CCDC88A: variants seen among roughly 807,000 people sequenced by gnomAD.
CCDC88A encodes girdin.
Under a neutral mutation model 234.3 loss-of-function variants are expected in CCDC88A, and 54 were observed. That is an observed-to-expected ratio of 0.23 (90% CI 0.19 to 0.29). CCDC88A has a LOEUF of 0.29. Among genes scored for constraint, CCDC88A ranks in the 10% least tolerant of loss-of-function variants. CCDC88A has a pLI of 1.00. For synonymous variants in CCDC88A, 753 were observed against 737.8 expected, an observed-to-expected ratio of 1.02 and a Z score of -0.33; for missense variants, 1,832 against 2,123.4, an observed-to-expected ratio of 0.86 and a Z score of 2.70.
Position 55,317,118 on chromosome 2 carries a change from C to T in CCDC88A, c.3746+88G>A, listed in dbSNP as rs1683083755. On this transcript the variant is annotated intron_variant, in intron 21 of 32. Transcript: ENST00000436346. The surrounding 1 kb of genome is among the most constrained non-coding windows in gnomAD (Gnocchi z 4.2). Reference sequence around the variant, plus strand: ...TATAGTTTGGATGTAAGAAATAATACATAATTTTGAAAAAACATATATATA... The same window carrying T: ...TATAGTTTGGATGTAAGAAATAATATATAATTTTGAAAAAACATATATATA... The T allele has an allele frequency of 4.3e-6, 2 of 469,856 alleles. No homozygotes were observed. The highest frequency in any genetic ancestry group is 6.6e-6 in the Non-Finnish European group (2 of 303,654). The allele number at this position is 469,856 out of a possible 1,614,324, so 29.1% of individuals were successfully genotyped here. A position where few individuals can be genotyped will look rare whatever the true frequency, so the allele number is the denominator to read the frequency against.
intron 28 of CCDC88A, chr2:55,300,913 A>G (rs956982772): frequency 1.1e-5 from 3 of 262,028 alleles, no homozygotes; most frequent in Non-Finnish European, 2.1e-5. Flanking sequence ...GTAAAATGCA[A>G]CTCTTATAAC....
chr2:55,367,212 G>A (rs923488202), intron 5 of CCDC88A, among the ~76,000 whole-genome samples: 1 of 152,116 alleles, frequency 6.6e-6, no homozygotes, highest in East Asian at 1.9e-4. Context: ...AATTCATAGA[G>A]ACATAAAGTA....
intron 22 of CCDC88A, chr2:55,312,804 G>T (rs1682488679): frequency 1.3e-5 from 4 of 315,186 alleles, no homozygotes; most frequent in Non-Finnish European, 1.1e-5. Context: ...ACAAACACTG[G>T]GTCTAATATA....
At chr2:55,409,738 CT>C (rs61703330) in intron 2 of CCDC88A, among the ~76,000 whole-genome samples, 29 of 111,734 alleles carry the variant, frequency 2.6e-4, no homozygotes, top group Middle Eastern at 5.3e-3. Context: ...ATATACCTCC[CT>C]TTTTTTTTTT....
rs1270648898 is a variant in CCDC88A, at chr2:55,418,908, C to G, written c.72G>C (p.Thr24=). ...MTSPLVTWVK[T]FGPLAAGNGT... ...CATTTCCTGCGGCCAGAGGTCCAAA[C>G]GTTTTAACCTAGAACAAACAGAAGG... is the stretch of plus-strand genomic sequence containing the variant. The change falls in exon 2 of 33, where the codon ACG becomes ACC. Residue 24 remains threonine, a synonymous_variant. Transcript: ENST00000436346. The G allele has an allele frequency of 6.2e-7, 1 of 1,613,788 alleles. No individual in the cohort carries two copies. The highest frequency in any genetic ancestry group is 8.5e-7 in the Non-Finnish European group (1 of 1,179,814).
intron 3 of CCDC88A, among the ~76,000 whole-genome samples, chr2:55,380,221 G>C (rs900830215): frequency 6.6e-6 from 1 of 152,074 alleles, no homozygotes; most frequent in Non-Finnish European, 1.5e-5. Context: ...GGGCGACAGA[G>C]CGAGACTCCA....
At chr2:55,383,865 A>C (rs1170199767) in intron 3 of CCDC88A, among the ~76,000 whole-genome samples, 4 of 152,154 alleles carry the variant, frequency 2.6e-5, no homozygotes, top group Admixed American at 6.6e-5. Flanking sequence ...AATAAGAACA[A>C]AAAAATTATT....
At chr2:55,418,650 T>C (rs1267516698) in intron 2 of CCDC88A, 166 bp downstream of exon 2, 8 of 610,644 alleles carry the variant, frequency 1.3e-5, no homozygotes, top group Admixed American at 8.8e-5. Context: ...GTTGTGATAA[T>C]GGGCTGAGCC....
chr2:55,382,943 T>C (rs1269236895), intron 3 of CCDC88A, among the ~76,000 whole-genome samples: 4 of 152,156 alleles, frequency 2.6e-5, no homozygotes, highest in Non-Finnish European at 5.9e-5. Flanking sequence ...AATAGGGACA[T>C]GGTATGTCCT....
intron 3 of CCDC88A, among the ~76,000 whole-genome samples, chr2:55,386,617 G>A (rs2104882516): frequency 6.6e-6 from 1 of 151,724 alleles, no homozygotes; most frequent in Admixed American, 6.6e-5. Context: ...GATTACAGGT[G>A]CCCACCACCA....
chr2:55,326,378 C>CT (rs1204403212), intron 17 of CCDC88A, among the ~76,000 whole-genome samples: 1 of 152,112 alleles, frequency 6.6e-6, no homozygotes, highest in African/African-American at 2.4e-5. Context: ...ACCTATACCT[C>CT]TTTGTCATAC....
At chr2:55,368,199 T>A (rs1302616833) in intron 5 of CCDC88A, among the ~76,000 whole-genome samples, 1 of 152,174 alleles carries the variant, frequency 6.6e-6, no homozygotes, top group African/African-American at 2.4e-5. Context: ...TTGACTGAGT[T>A]GGACAGCCAA....
intron 2 of CCDC88A, among the ~76,000 whole-genome samples, chr2:55,409,625 T>G (rs1256328309): frequency 6.6e-6 from 1 of 152,078 alleles, no homozygotes; most frequent in Non-Finnish European, 1.5e-5. Context: ...AGTATTACAT[T>G]TAGATCCTGA....
Position 55,290,240 on chromosome 2 carries a change from T to C in CCDC88A, c.*960A>G, listed in dbSNP as rs1179178936. The C allele has an allele frequency of 6.6e-6, 1 of 152,510 alleles. No homozygotes were observed. The highest frequency in any genetic ancestry group is 6.6e-5 in the Admixed American group (1 of 15,262). 9.4% of individuals were successfully genotyped at this position (152,510 alleles called of 1,614,324 possible). ...AAAAAATCATTAATAAATGATAGCC[T>C]TAATTATAAATGAGTTTCTGGCAAA... On this transcript the variant is annotated 3_prime_UTR_variant, in exon 33 of 33. Coordinates refer to ENST00000436346, the MANE Select transcript of CCDC88A (RefSeq NM_001365480.1).
intron 15 of CCDC88A, among the ~76,000 whole-genome samples, chr2:55,333,662 A>ATGTGTGTATATATATTTGGGTG (rs1685181560): frequency 1.3e-5 from 2 of 152,104 alleles, no homozygotes; most frequent in Non-Finnish European, 2.9e-5. Context: ...GCATGTATAT[A>ATGTGTGTATATATATTTGGGTG]TGTGTGTATA....
At position 55,412,799 on chromosome 2, in the gene CCDC88A, T is replaced by TATA. The variant is rs1283355501; in HGVS notation, c.164+6016_164+6017insTAT. Among the ~76,000 whole-genome samples, 3 of 152,244 alleles carry TATA rather than the reference T, an allele frequency of 2.0e-5. No individual in the cohort carries two copies. The East Asian group carries it at 5.8e-4, about 29-fold the overall frequency. Reference sequence around the variant, plus strand: ...ATGTTAAGCATTGTACATACATTATTCTATTTGATTCTCATAACAATCCTG... The same window carrying TATA: ...ATGTTAAGCATTGTACATACATTATTATACTATTTGATTCTCATAACAATCCTG... On this transcript the variant is annotated intron_variant, in intron 2 of 32. Coordinates refer to ENST00000436346, the MANE Select transcript of CCDC88A (RefSeq NM_001365480.1).
chr2:55,321,561 C>A (rs1165758702), intron 18 of CCDC88A, among the ~76,000 whole-genome samples: 13 of 150,264 alleles, frequency 8.7e-5, no homozygotes, highest in African/African-American at 3.2e-4. Flanking sequence ...CAAAAAAAAA[C>A]CAAAAAAACC....
At chr2:55,355,467 A>T (rs201982150) in intron 8 of CCDC88A, 112 bp downstream of exon 8, 1 of 875,406 alleles carries the variant, frequency 1.1e-6, no homozygotes, top group Non-Finnish European at 1.8e-6. Flanking sequence ...TTTCTCATTT[A>T]CTTGTGAAAA....
chr2:55,309,284 G>C lies in CCDC88A; in HGVS notation c.4080-30C>G. 9.9e-7 allele frequency: 1 copy of C among 1,013,676 alleles called. No individual in the cohort carries two copies. The highest frequency in any genetic ancestry group is 1.5e-6 in the Non-Finnish European group (1 of 662,012). 62.8% of individuals were successfully genotyped at this position (1,013,676 alleles called of 1,614,324 possible). A position where few individuals can be genotyped will look rare whatever the true frequency, so the allele number is the denominator to read the frequency against. On this transcript the variant is annotated intron_variant, in intron 23 of 32. Coordinates refer to ENST00000436346, the MANE Select transcript of CCDC88A (RefSeq NM_001365480.1). This position sits in a 1 kb window ranked among gnomAD's most constrained non-coding sequence, Gnocchi z 5.1. ...AAAATAAAAATTACCTTTTAGGACA[G>C]GCATCATATTTTGTACAGCTATGAA...
Sources: gnomAD v4.1 joint callset for allele counts (sites outside exome capture counted in the v4.1 genomes callset) on GRCh38, gnomAD v4.1.1 for gene constraint, Gnocchi (gnomAD v3.1) non-coding constraint, MANE v1.5 for transcripts, NCBI Gene and HGNC (gene_info 2026-07-23, HGNC 2026-07-21) for gene names.